MRPL46: variants seen among roughly 807,000 people sequenced by gnomAD.
The protein encoded by MRPL46 is mitochondrial ribosomal protein L46, also known as large ribosomal subunit protein mL46.
A neutral mutation model predicts 31.0 loss-of-function variants in MRPL46; 26 were observed. The ratio of observed to expected loss-of-function variants is 0.84; its 90% CI spans 0.61 to 1.16. The LOEUF is 1.16. Among genes scored for constraint, MRPL46 ranks in the 50% most tolerant of loss-of-function variants. The probability of loss-of-function intolerance (pLI) is 0.00; values close to 1 mark genes in which losing one functional copy is unlikely to be tolerated. For synonymous variants in MRPL46, 159 were observed against 141.3 expected, an observed-to-expected ratio of 1.13 and a Z score of -0.89; for missense variants, 395 against 340.0, an observed-to-expected ratio of 1.16 and a Z score of -1.27.
chr15:88,461,066 C>G (rs765448323), intron 3 of MRPL46: 6 of 152,166 alleles, frequency 3.9e-5, no homozygotes, highest in Admixed American at 1.3e-4. Context: ...ATGCAGGATG[C>G]TTTCTTAAAC....
chr15:88,464,564 G>A, intron 3 of MRPL46, 139 bp downstream of exon 3: 2 of 911,452 alleles, frequency 2.2e-6, no homozygotes, highest in East Asian at 3.1e-5. Context: ...GGTTTTTCTG[G>A]CTGAAATTTT....
intron 1 of MRPL46, among the ~76,000 whole-genome samples, chr15:88,466,468 C>T (rs972923682): frequency 6.6e-6 from 1 of 152,234 alleles, no homozygotes; most frequent in Non-Finnish European, 1.5e-5. Context: ...CTGCCTTATT[C>T]ATTACAGCAT....
At chr15:88,464,389 G>T (rs985518677) in intron 3 of MRPL46, 1 of 312,426 alleles carries the variant, frequency 3.2e-6, no homozygotes, top group Admixed American at 5.1e-5. Context: ...CAGATAAGCA[G>T]TGATGGCAAT....
chr15:88,465,375 C>G, intron 2 of MRPL46: 1 of 472,282 alleles, frequency 2.1e-6, no homozygotes, highest in Non-Finnish European at 3.6e-6. Context: ...CAAAGTTTAA[C>G]TGAGAGAAAA....
chr15:88,459,947 T>C, intron 3 of MRPL46, 84 bp from the exon 4 acceptor site: 2 of 1,533,580 alleles, frequency 1.3e-6, no homozygotes, highest in South Asian at 2.4e-5. Flanking sequence ...TTATAGGGGG[T>C]CCCTGCAAGA....
Position 88,464,394 on chromosome 15 carries a change from G to A in MRPL46, c.589+309C>T, listed in dbSNP as rs146468436. The A allele has an allele frequency of 1.1e-4, 36 of 317,178 alleles. 1 individual carries two copies. The East Asian group carries it at 3.5e-3, about 31-fold the overall frequency. 19.6% of individuals were successfully genotyped at this position (317,178 alleles called of 1,614,324 possible). On this transcript the variant is annotated intron_variant, in intron 3 of 3. Transcript: ENST00000312475. ...GTTGAGTGAACAGATAAGCAGTGATGGCAATAAGCAGTGCTGCAAAGATAA... is the reference window on the plus strand; with the variant it reads ...GTTGAGTGAACAGATAAGCAGTGATAGCAATAAGCAGTGCTGCAAAGATAA...
rs971251555 is a variant in MRPL46, at chr15:88,467,167, C to G, written c.211G>C (p.Ala71Pro). ...KPLTPLQEEMASLLQQIEIER... is the reference protein window; with the variant it reads ...KPLTPLQEEMPSLLQQIEIER... ...AGTCCCACCTGCTGCAGTAGAGACG[C>G]CATCTCTTCCTGCAATGGGGTCAAC... The change falls in exon 1 of 4, where the codon GCG becomes CCG. Residue 71 changes from alanine to proline, a missense_variant. Ala to Pro is a conservative substitution (Grantham distance 27). Transcript: ENST00000312475. The G allele has an allele frequency of 1.9e-6, 3 of 1,613,918 alleles. No individual in the cohort carries two copies. The highest frequency in any genetic ancestry group is 2.5e-6 in the Non-Finnish European group (3 of 1,179,932).
intron 3 of MRPL46, chr15:88,462,211 T>C (rs1238168373): frequency 2.0e-5 from 3 of 152,016 alleles, no homozygotes; most frequent in African/African-American, 2.4e-5. Flanking sequence ...TAGTGTGAGC[T>C]CACATAAAGT....
At chr15:88,465,423 G>C in intron 2 of MRPL46, 164 bp downstream of exon 2, 1 of 713,584 alleles carries the variant, frequency 1.4e-6, no homozygotes, top group South Asian at 3.1e-5. Flanking sequence ...CCGAAAATAA[G>C]ACAGACTTTT....
At chr15:88,466,245 A>T (rs2055530960) in intron 1 of MRPL46, among the ~76,000 whole-genome samples, 1 of 152,258 alleles carries the variant, frequency 6.6e-6, no homozygotes, top group Non-Finnish European at 1.5e-5. Flanking sequence ...GACATTTCTC[A>T]TAAAGAGAAA....
At chr15:88,466,479 C>T (rs538587045) in intron 1 of MRPL46, among the ~76,000 whole-genome samples, 2 of 152,332 alleles carry the variant, frequency 1.3e-5, no homozygotes, top group South Asian at 2.1e-4. Context: ...ATTACAGCAT[C>T]TCTATCACTT....
chr15:88,465,776 G>T lies in MRPL46; in HGVS notation c.229-3C>A. On this transcript the variant is annotated splice_polypyrimidine_tract_variant and splice_region_variant and intron_variant, in intron 1 of 3. Coordinates refer to ENST00000312475, the MANE Select transcript of MRPL46 (RefSeq NM_022163.4). Reference sequence around the variant, plus strand: ...TACAGGCTTCTCTCTATCTCAATCTGGGAAAATTCAAAGGGCAAAAAACTA... The same window carrying T: ...TACAGGCTTCTCTCTATCTCAATCTTGGAAAATTCAAAGGGCAAAAAACTA... 2 of 1,561,524 alleles carry T rather than the reference G, an allele frequency of 1.3e-6. No individual in the cohort carries two copies. The highest frequency in any genetic ancestry group is 2.8e-5 in the African/African-American group (2 of 71,882).
rs1462715728 is a variant in MRPL46 at position 88,464,822 on chromosome 15, A to C, written c.470T>G (p.Leu157Arg). The change falls in exon 3 of 4, where the codon CTT becomes CGT. Residue 157 changes from leucine to arginine, a missense_variant. Physicochemically the swap from Leu to Arg is moderately radical, Grantham distance 102. Transcript: ENST00000312475. The part of the protein sequence containing the change: ...TSLNRKLDRN[L>R]VLLVREKFGD... ...AAACTTCTCTCTGACTAACAGGACA[A>C]GGTTCCTGTCTAGCTTCCTGTTCAG... 1.2e-6 allele frequency: 2 copies of C among 1,614,172 alleles called. No individual in the cohort carries two copies. Among genetic ancestry groups the C allele is most frequent in the Non-Finnish European group, 1.7e-6 (2 of 1,180,014 alleles).
chr15:88,464,742 G>A lies in MRPL46; in HGVS notation c.550C>T (p.Leu184Phe). ...PQAEWQPGET[L>F]RGTAERTLAT... is the part of the protein sequence containing the mutation. ...AGGGTTCGTTCAGCTGTTCCTCGAA[G>A]GGTCTCCCCAGGCTGCCACTCTGCC... The change falls in exon 3 of 4, where the codon CTT (leucine) becomes TTT (phenylalanine). Residue 184 changes from leucine (L) to phenylalanine (F), a missense_variant. Physicochemically the swap from Leu to Phe is conservative, Grantham distance 22. Transcript: ENST00000312475. 1.9e-6 allele frequency: 3 copies of A among 1,614,014 alleles called. No homozygotes were observed. The highest frequency in any genetic ancestry group is 2.2e-5 in the East Asian group (1 of 44,850).
At chr15:88,461,406 A>AG (rs2055476260) in intron 3 of MRPL46, 1 of 152,158 alleles carries the variant, frequency 6.6e-6, no homozygotes, top group African/African-American at 2.4e-5. Flanking sequence ...AAAATCAATG[A>AG]GGAAAAAAAA....
chr15:88,459,898 G>A, intron 3 of MRPL46, 35 bp from the exon 4 acceptor site: 1 of 1,612,262 alleles, frequency 6.2e-7, no homozygotes, highest in Non-Finnish European at 8.5e-7. Context: ...ACAATTGGAA[G>A]GTAAGGATAC....
Position 88,459,704 on chromosome 15 carries a change from C to T in MRPL46, c.749G>A (p.Gly250Asp). The change falls in exon 4 of 4, where the codon GGC becomes GAC. Residue 250 changes from glycine (G) to aspartate (D), a missense_variant. Physicochemically the swap from Gly to Asp is moderately conservative, Grantham distance 94. Coordinates refer to ENST00000312475, the MANE Select transcript of MRPL46 (RefSeq NM_022163.4). Reference protein sequence around the residue: ...TGDFSQAGNKGHHVWVTKDEL... With the variant: ...TGDFSQAGNKDHHVWVTKDEL... Reference sequence around the variant, plus strand: ...ATCCTTAGTGACCCACACATGATGGCCCTTATTCCCAGCCTGGGAAAAGTC... The same window carrying T: ...ATCCTTAGTGACCCACACATGATGGTCCTTATTCCCAGCCTGGGAAAAGTC... 1 of 1,614,188 alleles carries T rather than the reference C, an allele frequency of 6.2e-7. No homozygotes were observed. Among genetic ancestry groups the T allele is most frequent in the Non-Finnish European group, 8.5e-7 (1 of 1,180,038 alleles).
In MRPL46 at chr15:88,464,888, G is replaced by C. The variant is rs373337282; in HGVS notation, c.416-12C>G. On this transcript the variant is annotated splice_polypyrimidine_tract_variant and intron_variant, in intron 2 of 3. Coordinates refer to ENST00000312475, the MANE Select transcript of MRPL46 (RefSeq NM_022163.4). The stretch of plus-strand genomic sequence containing the variant: ...CTTTTCATCAGCTTCTACAGCAAAG[G>C]GGGTCAGAGGAGGTAAGAAGACTGT... 1.2e-6 allele frequency: 2 copies of C among 1,610,730 alleles called. No homozygotes were observed. The highest frequency in any genetic ancestry group is 1.7e-6 in the Non-Finnish European group (2 of 1,178,302).
At chr15:88,460,190 G>C in intron 3 of MRPL46, 1 of 283,288 alleles carries the variant, frequency 3.5e-6, no homozygotes, top group Non-Finnish European at 6.7e-6. Context: ...ATCTGCTGGC[G>C]AATCAGCCCA....
Sources: gnomAD v4.1 joint callset for allele counts (sites outside exome capture counted in the v4.1 genomes callset) on GRCh38, gnomAD v4.1.1 for gene constraint, MANE v1.5 for transcripts, NCBI Gene and HGNC (gene_info 2026-07-23, HGNC 2026-07-21) for gene names.